ICA1: variants seen among roughly 807,000 people sequenced by gnomAD.
The protein encoded by ICA1 is 69 kDa islet cell autoantigen.
ICA1 carries 40 observed loss-of-function variants against 71.0 expected under a neutral mutation model. That is an observed-to-expected ratio of 0.56 (90% CI 0.44 to 0.73). The LOEUF is 0.73. ICA1 is among the 30% of genes least tolerant of loss of function. The pLI is 0.00. For missense variants in ICA1, 578 were observed against 576.5 expected (o/e 1.00, Z -0.03); for synonymous variants, 207 against 209.5 (o/e 0.99, Z 0.10).
At chr7:8,164,351 GA>G (rs1805093135) in intron 6 of ICA1, among the ~76,000 whole-genome samples, 1 of 146,204 alleles carries the variant, frequency 6.8e-6, no homozygotes, top group African/African-American at 2.5e-5. Flanking sequence ...GAGTCAAGAG[GA>G]AAGATGTTAG....
Position 8,123,834 on chromosome 7 carries a change from T to G in ICA1, c.1330+4039A>C, listed in dbSNP as rs113140563. Reference sequence around the variant, plus strand: ...TGTACTGAGAGGCCAGAGAAGGGAATGGTGAAAGGCATGGATTCTGGAGTC... The same window carrying G: ...TGTACTGAGAGGCCAGAGAAGGGAAGGGTGAAAGGCATGGATTCTGGAGTC... On this transcript the variant is annotated intron_variant, in intron 13 of 13. Transcript: ENST00000402384. This position sits in a 1 kb window ranked among gnomAD's most constrained non-coding sequence, Gnocchi z 4.1. Among the ~76,000 whole-genome samples the G allele has an allele frequency of 2.0e-3, 312 of 152,306 alleles. 1 individual carries two copies. Among genetic ancestry groups the G allele is most frequent in the African/African-American group, 7.1e-3 (294 of 41,576 alleles).
intron 1 of ICA1, among the ~76,000 whole-genome samples, chr7:8,240,471 G>A (rs1174056601): frequency 2.0e-5 from 3 of 152,178 alleles, no homozygotes; most frequent in Admixed American, 2.0e-4. Context: ...GAGCAGAAAA[G>A]CTGAAAATTC....
chr7:8,180,728 T>A (rs1301398709), intron 6 of ICA1, among the ~76,000 whole-genome samples: 1 of 152,150 alleles, frequency 6.6e-6, no homozygotes, highest in Non-Finnish European at 1.5e-5. Context: ...TGTAAGTACC[T>A]CTACAGGTGT....
chr7:8,208,499 T>G (rs780360635), intron 6 of ICA1, among the ~76,000 whole-genome samples: 15 of 152,222 alleles, frequency 9.9e-5, no homozygotes, highest in Non-Finnish European at 1.8e-4. Context: ...GGTACAACTG[T>G]CTTCTTTTAT....
At chr7:8,151,434 C>A (rs1023395911) in intron 8 of ICA1, among the ~76,000 whole-genome samples, 1 of 152,200 alleles carries the variant, frequency 6.6e-6, no homozygotes, top group Admixed American at 6.5e-5. Flanking sequence ...GACCTGGATG[C>A]ATCCCAATTT....
chr7:8,257,765 C>T (rs1049366033), intron 1 of ICA1, among the ~76,000 whole-genome samples: 1 of 152,150 alleles, frequency 6.6e-6, no homozygotes, highest in Non-Finnish European at 1.5e-5. Flanking sequence ...AACCATGCAA[C>T]GAATATTTAG....
intron 13 of ICA1, chr7:8,116,406 C>A (rs1784815682): frequency 6.6e-6 from 1 of 152,104 alleles, no homozygotes; most frequent in South Asian, 2.1e-4. Flanking sequence ...CCGTGGTTGC[C>A]TCCGAATAAA....
intron 6 of ICA1, among the ~76,000 whole-genome samples, chr7:8,168,770 G>C (rs1212181759): frequency 1.3e-5 from 2 of 152,062 alleles, no homozygotes; most frequent in Non-Finnish European, 2.9e-5. Context: ...TGTTTTTAGG[G>C]GAAAAGTATG....
chr7:8,255,331 G>A (rs1055598558), intron 1 of ICA1, among the ~76,000 whole-genome samples: 2 of 152,098 alleles, frequency 1.3e-5, no homozygotes, highest in African/African-American at 2.4e-5. Flanking sequence ...TTTTGACCAC[G>A]TTCTCTTCCT....
intron 8 of ICA1, among the ~76,000 whole-genome samples, chr7:8,151,956 C>T (rs985156835): frequency 1.3e-5 from 2 of 152,140 alleles, no homozygotes; most frequent in African/African-American, 2.4e-5. Context: ...GTTTCCTTAG[C>T]GTTAAAATCT....
chr7:8,190,196 A>G (rs1785139166), intron 6 of ICA1, among the ~76,000 whole-genome samples: 1 of 152,054 alleles, frequency 6.6e-6, no homozygotes, highest in South Asian at 2.1e-4. Flanking sequence ...AAGAAAGTAA[A>G]TTGAATTCTC....
In ICA1 at chr7:8,139,015, C is replaced by G; in HGVS notation, c.988G>C (p.Asp330His). The G allele has an allele frequency of 6.2e-7, 1 of 1,613,538 alleles. No individual in the cohort carries two copies. The highest frequency in any genetic ancestry group is 8.5e-7 in the Non-Finnish European group (1 of 1,179,574). Residue 330 changes from aspartate to histidine, a missense_variant, in exon 11 of 14, where the codon GAC (aspartate) becomes CAC (histidine). Physicochemically the swap from Asp to His is moderately conservative, Grantham distance 81. Transcript: ENST00000402384. ...EDGKSILSAL[D>H]KGSTHTACSG... ...CATGCAGTATGTGTAGAGCCTTTGT[C>G]TAAGGCAGATAAAATACTTTTTCCA...
chr7:8,215,178 T>C (rs1443891334), intron 6 of ICA1, among the ~76,000 whole-genome samples: 2 of 152,134 alleles, frequency 1.3e-5, no homozygotes, highest in Non-Finnish European at 2.9e-5. Context: ...AGCGGTGTCT[T>C]TTCTATTCCA....
chr7:8,240,997 T>C (rs1380322967), intron 1 of ICA1, among the ~76,000 whole-genome samples: 1 of 152,168 alleles, frequency 6.6e-6, no homozygotes, highest in African/African-American at 2.4e-5. Flanking sequence ...GTCTTCAGGA[T>C]ATTATCCAGG....
chr7:8,201,628 G>T (rs776779119), intron 6 of ICA1, among the ~76,000 whole-genome samples: 5 of 152,188 alleles, frequency 3.3e-5, no homozygotes, highest in Non-Finnish European at 5.9e-5. Context: ...CAGTGCAGTT[G>T]ATGAAAAAGG....
intron 6 of ICA1, among the ~76,000 whole-genome samples, chr7:8,182,528 G>A (rs1206217389): frequency 5.3e-5 from 8 of 152,082 alleles, no homozygotes; most frequent in African/African-American, 1.9e-4. Context: ...CCAACCATTG[G>A]GATGTTCCAA....
At chr7:8,172,135 T>C (rs1227275886) in intron 6 of ICA1, among the ~76,000 whole-genome samples, 1 of 152,080 alleles carries the variant, frequency 6.6e-6, no homozygotes, top group Non-Finnish European at 1.5e-5. Context: ...CAGTCTTCTA[T>C]ATCCTTATTG....
chr7:8,216,586 A>AAAAAC (rs1795470998), intron 6 of ICA1, among the ~76,000 whole-genome samples: 1 of 151,702 alleles, frequency 6.6e-6, no homozygotes, highest in African/African-American at 2.4e-5. Context: ...AACAAAACCA[A>AAAAAC]AAAAAAAATT....
chr7:8,261,747 G>A (rs1267596430), intron 1 of ICA1, among the ~76,000 whole-genome samples: 4 of 145,430 alleles, frequency 2.8e-5, no homozygotes, highest in African/African-American at 9.8e-5. Flanking sequence ...CGAGGCGCGC[G>A]GTGGGTGGGT....
Sources: gnomAD v4.1 joint callset for allele counts (sites outside exome capture counted in the v4.1 genomes callset) on GRCh38, gnomAD v4.1.1 for gene constraint, Gnocchi (gnomAD v3.1) non-coding constraint, MANE v1.5 for transcripts, NCBI Gene and HGNC (gene_info 2026-07-23, HGNC 2026-07-21) for gene names.